The following PCDH7 variants were observed in gnomAD, a reference collection of about 807,000 sequenced individuals.
The protein encoded by PCDH7 is protocadherin-7.
Under a neutral mutation model 58.9 loss-of-function variants are expected in PCDH7, and 17 were observed. The ratio of observed to expected loss-of-function variants is 0.29; its 90% CI spans 0.20 to 0.43. The LOEUF (loss-of-function observed/expected upper bound fraction) is 0.43. PCDH7 is among the 20% of genes least tolerant of loss of function. The pLI, the probability that PCDH7 is intolerant of heterozygous loss-of-function variation, is 1.00. For missense variants in PCDH7, 1,274 were observed against 1,441.0 expected (o/e 0.88, Z 1.88); for synonymous variants, 664 against 616.4 (o/e 1.08, Z -1.14).
chr4:30,926,186 G>A (rs1743843456), intron 2 of PCDH7, among the ~76,000 whole-genome samples: 1 of 99,788 alleles, frequency 1.0e-5, no homozygotes, highest in African/African-American at 4.1e-5. Context: ...ATTAACTTTA[G>A]GTCGTTTTTT....
At chr4:30,767,465 G>T (rs1720898345) in intron 1 of PCDH7, among the ~76,000 whole-genome samples, 1 of 152,148 alleles carries the variant, frequency 6.6e-6, no homozygotes, top group Admixed American at 6.5e-5. Flanking sequence ...TAATGAAGGG[G>T]CAACTTCACA....
intron 1 of PCDH7, among the ~76,000 whole-genome samples, chr4:30,832,780 C>G (rs1026807211): frequency 1.3e-5 from 2 of 152,248 alleles, no homozygotes; most frequent in East Asian, 3.9e-4. Context: ...GGACACAGTT[C>G]CTCTCCTCCA....
chr4:30,771,917 C>T (rs1278174114), intron 1 of PCDH7, among the ~76,000 whole-genome samples: 2 of 152,224 alleles, frequency 1.3e-5, no homozygotes, highest in African/African-American at 2.4e-5. Context: ...GTCGCCCAGG[C>T]TGGAGTGCAT....
chr4:30,950,649 G>A (rs1264632437), intron 3 of PCDH7, among the ~76,000 whole-genome samples: 1 of 152,090 alleles, frequency 6.6e-6, no homozygotes, highest in East Asian at 1.9e-4. Context: ...AAAATTTTAT[G>A]CACATAATTA....
chr4:31,032,656 G>GGAAGGA (rs1553929063), intron 3 of PCDH7, among the ~76,000 whole-genome samples: 2 of 92,256 alleles, frequency 2.2e-5, no homozygotes, highest in African/African-American at 5.0e-5. Context: ...GAGAGAGAGA[G>GGAAGGA]AGGAAGGAAG....
intron 1 of PCDH7, among the ~76,000 whole-genome samples, chr4:30,866,259 CTGGCT>C (rs1734865465): frequency 1.3e-5 from 2 of 152,018 alleles, no homozygotes; most frequent in South Asian, 4.1e-4. Flanking sequence ...GAAGTTTAAC[CTGGCT>C]TGTTACTTAA....
At chr4:31,000,947 C>A (rs1448309057) in intron 3 of PCDH7, among the ~76,000 whole-genome samples, 1 of 151,880 alleles carries the variant, frequency 6.6e-6, no homozygotes, top group African/African-American at 2.4e-5. Flanking sequence ...ACCAATACAC[C>A]CTGTTATATA....
At chr4:30,761,569 T>G (rs955997682) in intron 1 of PCDH7, among the ~76,000 whole-genome samples, 3 of 152,166 alleles carry the variant, frequency 2.0e-5, no homozygotes, top group Non-Finnish European at 4.4e-5. Context: ...ATTTTATAAT[T>G]ACAGCACCTC....
At chr4:31,087,586 T>C (rs1712625718) in intron 3 of PCDH7, among the ~76,000 whole-genome samples, 1 of 152,150 alleles carries the variant, frequency 6.6e-6, no homozygotes, top group African/African-American at 2.4e-5. Flanking sequence ...AGACATAGAA[T>C]GGTGGGCAGG....
At chr4:31,029,155 A>C (rs1163387634) in intron 3 of PCDH7, among the ~76,000 whole-genome samples, 2 of 152,212 alleles carry the variant, frequency 1.3e-5, no homozygotes, top group Non-Finnish European at 2.9e-5. Flanking sequence ...TTTTACTGCT[A>C]ATCATTTGTG....
intron 1 of PCDH7, among the ~76,000 whole-genome samples, chr4:30,752,884 G>C (rs571192833): frequency 6.6e-6 from 1 of 151,736 alleles, no homozygotes; most frequent in Non-Finnish European, 1.5e-5. Context: ...CACATATACT[G>C]TAGATATTTA....
intron 3 of PCDH7, among the ~76,000 whole-genome samples, chr4:31,047,862 A>G (rs904702357): frequency 3.9e-5 from 6 of 152,080 alleles, no homozygotes; most frequent in Non-Finnish European, 7.4e-5. Flanking sequence ...TTAAAAAGTG[A>G]TAAGTTCCCA....
intron 1 of PCDH7, among the ~76,000 whole-genome samples, chr4:30,856,717 T>TAA: frequency 6.7e-6 from 1 of 150,276 alleles, no homozygotes; most frequent in Middle Eastern, 3.5e-3. Context: ...AATATATATA[T>TAA]ATATACATGC....
chr4:30,761,688 A>G (rs1043230481), intron 1 of PCDH7, among the ~76,000 whole-genome samples: 3 of 152,220 alleles, frequency 2.0e-5, no homozygotes. Flanking sequence ...TCCAGTAAAT[A>G]AACCTGCAAA....
chr4:31,128,173 A>G (rs1260517549), intron 3 of PCDH7, among the ~76,000 whole-genome samples: 1 of 151,944 alleles, frequency 6.6e-6, no homozygotes, highest in African/African-American at 2.4e-5. Context: ...ACGGACACAC[A>G]TATAAAAGTC....
At chr4:30,801,577 T>C (rs1725526146) in intron 1 of PCDH7, among the ~76,000 whole-genome samples, 1 of 152,192 alleles carries the variant, frequency 6.6e-6, no homozygotes, top group Non-Finnish European at 1.5e-5. Context: ...CACTAGTCTT[T>C]AAACTAAAGA....
At chr4:31,046,167 A>G (rs1018730954) in intron 3 of PCDH7, among the ~76,000 whole-genome samples, 4 of 151,914 alleles carry the variant, frequency 2.6e-5, no homozygotes, top group African/African-American at 9.7e-5. Flanking sequence ...ACCTAGGCTA[A>G]ATAGTCCAGT....
chr4:30,827,693 A>G (rs893197754), intron 1 of PCDH7, among the ~76,000 whole-genome samples: 5 of 152,186 alleles, frequency 3.3e-5, no homozygotes, highest in Admixed American at 1.3e-4. Context: ...CATGCAGTAC[A>G]TATCTGCTGA....
At chr4:31,022,693 A>T (rs2109171834) in intron 3 of PCDH7, among the ~76,000 whole-genome samples, 1 of 152,266 alleles carries the variant, frequency 6.6e-6, no homozygotes, top group South Asian at 2.1e-4. Flanking sequence ...CATAGAAAAA[A>T]GTATGAATAC....
Sources: allele counts gnomAD v4.1 joint callset (sites outside exome capture counted in the v4.1 genomes callset), GRCh38; gene constraint gnomAD v4.1.1; transcripts MANE v1.5; gene names NCBI Gene and HGNC (gene_info 2026-07-23, HGNC 2026-07-21).